Variants in PRIM2 observed in about 807,000 individuals in gnomAD.
PRIM2 encodes the protein DNA primase subunit 2.
PRIM2 carries 39 observed loss-of-function variants against 67.3 expected under a neutral mutation model. The observed-to-expected ratio is 0.58, with a 90% CI of 0.45 to 0.76. PRIM2 has a LOEUF of 0.76. Among genes scored for constraint, PRIM2 ranks in the 30% least tolerant of loss-of-function variants. PRIM2 has a pLI of 0.00. For missense variants in PRIM2, 398 were observed against 598.7 expected, an observed-to-expected ratio of 0.66 and a Z score of 3.50; for synonymous variants, 143 against 198.7, an observed-to-expected ratio of 0.72 and a Z score of 2.36.
chr6:57,422,584 AT>A (rs1771501064), intron 7 of PRIM2, among the ~76,000 whole-genome samples: 1 of 151,952 alleles, frequency 6.6e-6, no homozygotes, highest in Admixed American at 6.5e-5. Context: ...CATCAATGAA[AT>A]TTAGAATTTT....
chr6:57,460,170 T>C (rs1279286838), intron 7 of PRIM2, among the ~76,000 whole-genome samples: 4 of 151,754 alleles, frequency 2.6e-5, no homozygotes, highest in African/African-American at 4.9e-5. Context: ...TTTTTTTTTT[T>C]CAAACTTGAA....
intron 7 of PRIM2, among the ~76,000 whole-genome samples, chr6:57,399,572 G>A (rs1432915838): frequency 6.6e-6 from 1 of 152,076 alleles, no homozygotes; most frequent in Non-Finnish European, 1.5e-5. Context: ...GGGATTGCTG[G>A]GTCAAATGGT....
At chr6:57,235,480 A>C in the PRIM2 span, among the ~76,000 whole-genome samples, 5 of 149,268 alleles carry the variant, frequency 3.3e-5, no homozygotes, top group Non-Finnish European at 7.5e-5. Context: ...AAAAAAAATG[A>C]AAAAAATGCT....
intron 8 of PRIM2, among the ~76,000 whole-genome samples, chr6:57,519,519 T>C (rs1210445251): frequency 3.7e-4 from 56 of 152,370 alleles, no homozygotes; most frequent in Non-Finnish European, 6.8e-4. Context: ...AAGAGAAATA[T>C]GGCTCTGTTC....
the PRIM2 span, among the ~76,000 whole-genome samples, chr6:57,251,834 G>GTTGC: frequency 6.6e-6 from 1 of 152,130 alleles, no homozygotes; most frequent in Non-Finnish European, 1.5e-5. Context: ...CAACATCCAG[G>GTTGC]TTATTACAGT....
the PRIM2 span, among the ~76,000 whole-genome samples, chr6:57,240,060 T>C: frequency 6.6e-6 from 1 of 150,576 alleles, no homozygotes; most frequent in African/African-American, 2.4e-5. Context: ...TATATAGGTA[T>C]TAGCAGGAGG....
At chr6:57,312,025 GGGGAGAC>G (rs1247976628), upstream of PRIM2, among the ~76,000 whole-genome samples, 43 of 101,952 alleles carry the variant, frequency 4.2e-4, no homozygotes, top group Non-Finnish European at 5.7e-4. Flanking sequence ...AGAGGGGAGA[GGGGAGAC>G]GGGAGAGGGG....
At chr6:57,523,984 A>G (rs1200487327) in intron 8 of PRIM2, among the ~76,000 whole-genome samples, 3 of 152,006 alleles carry the variant, frequency 2.0e-5, no homozygotes, top group African/African-American at 7.2e-5. Context: ...TTATCCTTTT[A>G]TATATCCATG....
intron 13 of PRIM2, among the ~76,000 whole-genome samples, chr6:57,638,818 T>C: frequency 6.6e-6 from 1 of 152,220 alleles, no homozygotes; most frequent in East Asian, 1.9e-4. Flanking sequence ...AGTGGGAGAC[T>C]TTAACACCCC....
At chr6:57,274,640 C>G in the PRIM2 span, among the ~76,000 whole-genome samples, 1 of 152,118 alleles carries the variant, frequency 6.6e-6, no homozygotes, top group Admixed American at 6.5e-5. Flanking sequence ...CTGTCCTGCA[C>G]CCACTCACTG....
chr6:57,589,204 A>G (rs1440415514), intron 10 of PRIM2, among the ~76,000 whole-genome samples: 2 of 152,282 alleles, frequency 1.3e-5, no homozygotes, highest in East Asian at 3.9e-4. Context: ...ACCTAGAATG[A>G]TTCTAAATTG....
At chr6:57,531,565 C>G (rs1400824230) in intron 8 of PRIM2, among the ~76,000 whole-genome samples, 18 of 152,082 alleles carry the variant, frequency 1.2e-4, no homozygotes, top group Admixed American at 9.2e-4. Context: ...TGAAGGAGGT[C>G]AAACATTACT....
At chr6:57,586,668 T>TG (rs1487701007) in intron 10 of PRIM2, among the ~76,000 whole-genome samples, 1 of 152,168 alleles carries the variant, frequency 6.6e-6, no homozygotes, top group Admixed American at 6.5e-5. Context: ...ACAGGAATCT[T>TG]GGAAATGCCA....
At chr6:57,553,335 G>C (rs1475488970) in intron 10 of PRIM2, among the ~76,000 whole-genome samples, 6 of 151,890 alleles carry the variant, frequency 4.0e-5, no homozygotes, top group Non-Finnish European at 8.8e-5. Context: ...TTGGATATGA[G>C]TTTTATCACA....
chr6:57,226,519 G>A, the PRIM2 span, among the ~76,000 whole-genome samples: 6 of 152,336 alleles, frequency 3.9e-5, no homozygotes, highest in South Asian at 2.1e-4. Context: ...GAACAGTGGT[G>A]AGGGAAGCAG....
the PRIM2 span, among the ~76,000 whole-genome samples, chr6:57,296,728 T>C: frequency 6.6e-6 from 1 of 152,108 alleles, no homozygotes; most frequent in African/African-American, 2.4e-5. Context: ...TCAACACTAC[T>C]GTACCAACGA....
chr6:57,592,000 A>G (rs1776289488), intron 10 of PRIM2, among the ~76,000 whole-genome samples: 1 of 152,200 alleles, frequency 6.6e-6, no homozygotes, highest in Admixed American at 6.5e-5. Flanking sequence ...TAAAAAGAAC[A>G]AAATCATGTC....
upstream of PRIM2, among the ~76,000 whole-genome samples, chr6:57,316,925 T>C (rs954220055): frequency 6.6e-6 from 1 of 152,250 alleles, no homozygotes; most frequent in Non-Finnish European, 1.5e-5. Flanking sequence ...CTTTCATTCA[T>C]TCTAGTTCAT....
intron 5 of PRIM2, among the ~76,000 whole-genome samples, chr6:57,357,227 G>T (rs1581823913): frequency 6.6e-6 from 1 of 151,836 alleles, no homozygotes; most frequent in East Asian, 1.9e-4. Context: ...CCACCGTGCC[G>T]GCCTATCCAA....
Sources: gnomAD v4.1 joint callset for allele counts (sites outside exome capture counted in the v4.1 genomes callset) on GRCh38, gnomAD v4.1.1 for gene constraint, MANE v1.5 for transcripts, NCBI Gene and HGNC (gene_info 2026-07-23, HGNC 2026-07-21) for gene names.